Variants in TDRD5 observed in about 807,000 individuals in gnomAD.
The protein encoded by TDRD5 is tudor domain containing 5, also known as tudor domain-containing protein 5.
In TDRD5, 41 loss-of-function variants were observed where a neutral mutation model predicts 120.6. That is an observed-to-expected ratio of 0.34 (90% confidence interval 0.26 to 0.44). The LOEUF is 0.44. Ranked by LOEUF, TDRD5 falls within the 20% of genes least tolerant of loss-of-function variation. TDRD5 has a pLI of 1.00. For synonymous variants in TDRD5, 430 were observed against 433.7 expected, an observed-to-expected ratio of 0.99 and a Z score of 0.11; for missense variants, 1,006 against 1,221.2, an observed-to-expected ratio of 0.82 and a Z score of 2.63.
chr1:179,626,729 T>C (rs1277075706), intron 6 of TDRD5, among the ~76,000 whole-genome samples: 1 of 152,090 alleles, frequency 6.6e-6, no homozygotes, highest in Admixed American at 6.6e-5. Flanking sequence ...CTTTCAACTT[T>C]TTCTGTGTTT....
chr1:179,647,046 A>G (rs993896004), intron 11 of TDRD5, among the ~76,000 whole-genome samples: 3 of 151,016 alleles, frequency 2.0e-5, no homozygotes, highest in East Asian at 1.9e-4. Context: ...TACAGATTCA[A>G]TGCCATCTCC....
intron 3 of TDRD5, 145 bp downstream of exon 3, chr1:179,594,012 C>A: frequency 9.7e-7 from 1 of 1,035,316 alleles, no homozygotes; most frequent in Non-Finnish European, 1.4e-6. Context: ...TCTACTTAAG[C>A]CTTAGTTTTC....
At chr1:179,613,118 A>G (rs960890314) in intron 4 of TDRD5, among the ~76,000 whole-genome samples, 2 of 152,088 alleles carry the variant, frequency 1.3e-5, no homozygotes, top group African/African-American at 4.8e-5. Context: ...CTAACTTTTA[A>G]TTTGCACCTA....
rs551165010 is a variant in TDRD5, at chr1:179,627,194, C to G, written c.973-3573C>G. On this transcript the variant is annotated intron_variant, in intron 6 of 17. Coordinates refer to ENST00000444136, the MANE Select transcript of TDRD5 (RefSeq NM_001199085.3). ...TTGCAGAGAGCCAGACAAGCTATTA[C>G]CACCATGCAAGAATTCAAGAACTCT... Among the ~76,000 whole-genome samples, 235 of 152,270 alleles carry G rather than the reference C, an allele frequency of 1.5e-3. 2 individuals are homozygous for G. The highest frequency in any genetic ancestry group is 5.6e-3 in the African/African-American group (232 of 41,558).
intron 4 of TDRD5, among the ~76,000 whole-genome samples, chr1:179,614,822 A>G (rs191749003): frequency 5.9e-5 from 9 of 152,246 alleles, no homozygotes; most frequent in Non-Finnish European, 8.8e-5. Flanking sequence ...CGATGTATGT[A>G]TACATTGTGG....
chr1:179,594,391 G>T (rs964297428), intron 3 of TDRD5, among the ~76,000 whole-genome samples: 3 of 152,176 alleles, frequency 2.0e-5, no homozygotes, highest in African/African-American at 7.2e-5. Flanking sequence ...ATACTAGGTA[G>T]GGTAAGTAAC....
chr1:179,675,988 A>T (rs1680128926), intron 17 of TDRD5, among the ~76,000 whole-genome samples: 1 of 151,982 alleles, frequency 6.6e-6, no homozygotes, highest in African/African-American at 2.4e-5. Context: ...TCGATATCTC[A>T]TTTCTTAGGT....
At chr1:179,651,944 T>C in intron 12 of TDRD5, 95 bp from the exon 13 acceptor site, 1 of 1,313,564 alleles carries the variant, frequency 7.6e-7, no homozygotes, top group Admixed American at 2.2e-5. Flanking sequence ...GAAGATAATA[T>C]ACTTCCATAG....
At position 179,651,071 on chromosome 1, in the gene TDRD5, G is replaced by T. The variant is rs1469537242; in HGVS notation, c.2001+4G>T. 1 of 1,613,750 alleles carries T rather than the reference G, an allele frequency of 6.2e-7. No individual in the cohort carries two copies. The highest frequency in any genetic ancestry group is 8.5e-7 in the Non-Finnish European group (1 of 1,179,912). ...CCGAGAAAATATCTCTTCTAAGGTG[G>T]AGCAGTCTGGATGTATTTTGTAATA... is the stretch of plus-strand genomic sequence containing the variant. On this transcript the variant is annotated splice_donor_region_variant and intron_variant, in intron 12 of 17. Coordinates refer to ENST00000444136, the MANE Select transcript of TDRD5 (RefSeq NM_001199085.3).
At chr1:179,608,347 C>G (rs373205867) in intron 4 of TDRD5, among the ~76,000 whole-genome samples, 1 of 151,992 alleles carries the variant, frequency 6.6e-6, no homozygotes, top group African/African-American at 2.4e-5. Flanking sequence ...TTCATGAAAT[C>G]TAGAAATTTT....
chr1:179,638,158 T>TTTGGGGGACTCTGTTGCTAGAGAAAAGG (rs1553327630), intron 9 of TDRD5, among the ~76,000 whole-genome samples: 23 of 132,442 alleles, frequency 1.7e-4, no homozygotes, highest in Non-Finnish European at 2.4e-4. Flanking sequence ...CATGGGAAGA[T>TTTGGGGGACTCTGTTGCTAGAGAAAAGG]GTTTTCTCTT....
chr1:179,659,401 G>T (rs1679165061), intron 14 of TDRD5, among the ~76,000 whole-genome samples: 1 of 151,832 alleles, frequency 6.6e-6, no homozygotes, highest in Non-Finnish European at 1.5e-5. Context: ...GCATTTTGAA[G>T]CTCTATTGTT....
chr1:179,649,719 T>C (rs1159804886), intron 11 of TDRD5, among the ~76,000 whole-genome samples: 2 of 152,226 alleles, frequency 1.3e-5, no homozygotes, highest in African/African-American at 2.4e-5. Context: ...GGATTTGTTA[T>C]ATTGTTTCTG....
intron 17 of TDRD5, among the ~76,000 whole-genome samples, chr1:179,686,353 T>C (rs1268341749): frequency 6.6e-6 from 1 of 152,242 alleles, no homozygotes; most frequent in African/African-American, 2.4e-5. Flanking sequence ...GTTTATTGAT[T>C]TGCATATGTT....
At chr1:179,663,639 C>T (rs905933484) in intron 16 of TDRD5, 148 bp downstream of exon 16, 1 of 1,180,850 alleles carries the variant, frequency 8.5e-7, no homozygotes, top group Non-Finnish European at 1.1e-6. Flanking sequence ...ATAAATTTGA[C>T]TTTCTGGGCT....
At chr1:179,653,273 T>C (rs114180199) in intron 13 of TDRD5, among the ~76,000 whole-genome samples, 1,602 of 152,302 alleles carry the variant, frequency 0.011, 15 homozygotes, top group African/African-American at 0.037. Flanking sequence ...GTAAAAATAT[T>C]ATTTTGTTTA....
chr1:179,659,582 T>C (rs897949214), intron 14 of TDRD5, among the ~76,000 whole-genome samples: 6 of 144,744 alleles, frequency 4.1e-5, no homozygotes, highest in African/African-American at 1.0e-4. Flanking sequence ...TGTGTGTGTG[T>C]GTGTGTGTGC....
intron 17 of TDRD5, among the ~76,000 whole-genome samples, chr1:179,671,335 A>G (rs1679843294): frequency 6.6e-6 from 1 of 152,142 alleles, no homozygotes. Flanking sequence ...TTTTCACATA[A>G]ATTTTAGAAT....
intron 6 of TDRD5, among the ~76,000 whole-genome samples, chr1:179,625,428 C>T (rs1202736818): frequency 6.6e-6 from 1 of 152,252 alleles, no homozygotes; most frequent in East Asian, 1.9e-4. Context: ...TAACAAAGGA[C>T]TTATATTCAG....
Sources: allele counts gnomAD v4.1 joint callset (sites outside exome capture counted in the v4.1 genomes callset), GRCh38; gene constraint gnomAD v4.1.1; transcripts MANE v1.5; gene names NCBI Gene and HGNC (gene_info 2026-07-23, HGNC 2026-07-21).